Variants in SHISA9 observed in about 807,000 individuals in gnomAD.
SHISA9 encodes the protein protein shisa-9.
In SHISA9, 13 loss-of-function variants were observed where a neutral mutation model predicts 38.0. That is an observed-to-expected ratio of 0.34 (90% CI 0.22 to 0.54). SHISA9 has a LOEUF of 0.54. SHISA9 is among the 20% of genes least tolerant of loss of function. SHISA9 has a pLI of 0.91. For synonymous variants in SHISA9, 275 were observed against 242.0 expected (o/e 1.14, Z -1.27); for missense variants, 538 against 575.8 (o/e 0.93, Z 0.67).
intron 2 of SHISA9, among the ~76,000 whole-genome samples, chr16:12,997,414 T>TTC (rs2072470908): frequency 6.6e-6 from 1 of 150,680 alleles, no homozygotes; most frequent in Non-Finnish European, 1.5e-5. Flanking sequence ...AACCTAGTTT[T>TTC]TTTTTTTTTT....
chr16:13,067,648 A>G (rs2073450339), intron 2 of SHISA9, among the ~76,000 whole-genome samples: 3 of 152,384 alleles, frequency 2.0e-5, no homozygotes, highest in South Asian at 4.1e-4. Context: ...CCTGTTTCAA[A>G]AAAGGAAAAT....
chr16:13,484,566 G>A, the SHISA9 span, among the ~76,000 whole-genome samples: 1 of 152,170 alleles, frequency 6.6e-6, no homozygotes. Flanking sequence ...TGCCTCTCTG[G>A]CTGTATAGTA....
chr16:12,957,946 A>G (rs1321187189), intron 2 of SHISA9, among the ~76,000 whole-genome samples: 2 of 152,190 alleles, frequency 1.3e-5, no homozygotes, highest in African/African-American at 4.8e-5. Context: ...TCAAGACCTT[A>G]TTTAAGCCTA....
At chr16:13,254,341 T>C in the SHISA9 span, among the ~76,000 whole-genome samples, 3 of 152,010 alleles carry the variant, frequency 2.0e-5, no homozygotes, top group Non-Finnish European at 4.4e-5. Context: ...CCTTCACAGA[T>C]TTAGGGGAGA....
chr16:12,916,261 T>G (rs962912692), intron 1 of SHISA9, among the ~76,000 whole-genome samples: 1 of 152,194 alleles, frequency 6.6e-6, no homozygotes, highest in Admixed American at 6.5e-5. Context: ...GTAATGCGAT[T>G]AGCGTGGTGC....
rs897912244 is a variant in SHISA9, at chr16:13,058,687, G to C, written c.691+141872G>C. Among the ~76,000 whole-genome samples, 4 of 152,062 alleles carry C rather than the reference G, an allele frequency of 2.6e-5. No homozygotes were observed. In the East Asian group the frequency reaches 7.7e-4, roughly 29 times the overall value. On this transcript the variant is annotated intron_variant, in intron 2 of 4. Coordinates refer to ENST00000558583, the MANE Select transcript of SHISA9 (RefSeq NM_001145204.3). The stretch of plus-strand genomic sequence containing the variant: ...CGAGGAGAGGTAGTTGAAAGCTTTT[G>C]TACAGGTTCAGGGCTGCCATCCCCC...
chr16:13,375,677 A>C, the SHISA9 span, among the ~76,000 whole-genome samples: 1 of 152,120 alleles, frequency 6.6e-6, no homozygotes, highest in Non-Finnish European at 1.5e-5. Context: ...AATAGCCAAA[A>C]AACAAAAAAA....
chr16:13,245,030 C>G (rs993848130), downstream of SHISA9, among the ~76,000 whole-genome samples: 5 of 152,296 alleles, frequency 3.3e-5, no homozygotes, highest in African/African-American at 9.6e-5. Flanking sequence ...GTCCTCCCAC[C>G]TCAGCCTCCC....
chr16:13,276,470 C>G, the SHISA9 span, among the ~76,000 whole-genome samples: 1 of 151,956 alleles, frequency 6.6e-6, no homozygotes, highest in Non-Finnish European at 1.5e-5. Context: ...ATTCTACTTT[C>G]AGTTCTTTAA....
chr16:13,026,034 A>T (rs1346278521), intron 2 of SHISA9, among the ~76,000 whole-genome samples: 1 of 152,010 alleles, frequency 6.6e-6, no homozygotes, highest in Non-Finnish European at 1.5e-5. Context: ...CGAACTCCCG[A>T]CCTCAGATGA....
chr16:13,440,848 G>T, the SHISA9 span, among the ~76,000 whole-genome samples: 1 of 152,006 alleles, frequency 6.6e-6, no homozygotes, highest in African/African-American at 2.4e-5. Context: ...TTTGAACCCG[G>T]GAGGCAGAGA....
In SHISA9 at chr16:12,972,041, TTGTGTGTGTGTG is replaced by T. The variant is rs72368949; in HGVS notation, c.691+55256_691+55267del. Among the ~76,000 whole-genome samples the T allele has an allele frequency of 6.5e-3, 919 of 142,040 alleles. 7 individuals are homozygous for T. The highest frequency in any genetic ancestry group is 0.032 in the Middle Eastern group (9 of 278). 93.2% of individuals were successfully genotyped at this position (142,040 alleles called of 152,430 possible). A position where few individuals can be genotyped will look rare whatever the true frequency, so the allele number is the denominator to read the frequency against. Reference sequence around the variant, plus strand: ...GGCAAAATCTCTGCTCTCTTGGAGTTTGTGTGTGTGTGTGTGTGTGTGTGTGTGTGTGTGTGT... The same window carrying T: ...GGCAAAATCTCTGCTCTCTTGGAGTTTGTGTGTGTGTGTGTGTGTGTGTGT... On this transcript the variant is annotated intron_variant, in intron 2 of 4. Transcript: ENST00000558583.
At chr16:13,229,021 G>A (rs2051305833) in intron 4 of SHISA9, among the ~76,000 whole-genome samples, 1 of 152,166 alleles carries the variant, frequency 6.6e-6, no homozygotes, top group Non-Finnish European at 1.5e-5. Context: ...TCAGCCAGGA[G>A]TGGTGTCACA....
At chr16:13,128,701 T>TGGGA (rs2050282098) in intron 2 of SHISA9, among the ~76,000 whole-genome samples, 2 of 152,196 alleles carry the variant, frequency 1.3e-5, no homozygotes, top group Non-Finnish European at 2.9e-5. Flanking sequence ...CTAGCTTATG[T>TGGGA]CCCACTGGGA....
chr16:13,256,001 G>A, the SHISA9 span, among the ~76,000 whole-genome samples: 2 of 152,090 alleles, frequency 1.3e-5, no homozygotes, highest in Admixed American at 1.3e-4. Flanking sequence ...CACCTGTCCT[G>A]CAACCTCACC....
chr16:13,063,886 A>G (rs1237677828), intron 2 of SHISA9, among the ~76,000 whole-genome samples: 1 of 152,162 alleles, frequency 6.6e-6, no homozygotes, highest in Non-Finnish European at 1.5e-5. Flanking sequence ...ACCCATTCTG[A>G]CAGCCAGGCT....
At chr16:12,926,748 G>T (rs1342855104) in intron 2 of SHISA9, among the ~76,000 whole-genome samples, 1 of 152,188 alleles carries the variant, frequency 6.6e-6, no homozygotes, top group Non-Finnish European at 1.5e-5. Flanking sequence ...CAGATATTTT[G>T]CTCTGAAAGA....
At chr16:12,918,150 A>G (rs1269853726) in intron 2 of SHISA9, among the ~76,000 whole-genome samples, 2 of 152,326 alleles carry the variant, frequency 1.3e-5, no homozygotes, top group Middle Eastern at 3.4e-3. Context: ...TTAGAACAAA[A>G]TACACCAGCA....
chr16:13,257,674 G>GTC, the SHISA9 span, among the ~76,000 whole-genome samples: 1 of 152,132 alleles, frequency 6.6e-6, no homozygotes, highest in Admixed American at 6.6e-5. Context: ...GTCTTTGCAG[G>GTC]TGTTGCCATG....
Sources: allele counts gnomAD v4.1 joint callset (sites outside exome capture counted in the v4.1 genomes callset), GRCh38; gene constraint gnomAD v4.1.1; transcripts MANE v1.5; gene names NCBI Gene and HGNC (gene_info 2026-07-23, HGNC 2026-07-21).